The following PIP5K1A variants were observed in gnomAD, a reference collection of about 807,000 sequenced individuals.
PIP5K1A encodes the protein phosphatidylinositol 4-phosphate 5-kinase type-1 alpha.
A neutral mutation model predicts 72.9 loss-of-function variants in PIP5K1A; 46 were observed. The ratio of observed to expected loss-of-function variants is 0.63; its 90% CI spans 0.50 to 0.81. PIP5K1A has a LOEUF of 0.81. Among genes scored for constraint, PIP5K1A ranks in the 30% least tolerant of loss-of-function variants. The pLI is 0.00. For synonymous variants in PIP5K1A, 228 were observed against 255.1 expected (o/e 0.89, Z 1.01); for missense variants, 458 against 706.1 (o/e 0.65, Z 3.98).
At position 151,239,944 on chromosome 1, in the gene PIP5K1A, C is replaced by T. The variant is rs1473904887; in HGVS notation, c.1279-11C>T. The T allele has an allele frequency of 6.2e-7, 1 of 1,606,682 alleles. No homozygotes were observed. On this transcript the variant is annotated splice_polypyrimidine_tract_variant and intron_variant, in intron 11 of 15. Transcript: ENST00000368888. The stretch of plus-strand genomic sequence containing the variant: ...GCCTCCTAACTCTATAGCATTTCTT[C>T]TGCTCTGCAGGACACTGTCTCAGTG...
At chr1:151,200,965 G>A (rs972346756) in intron 1 of PIP5K1A, among the ~76,000 whole-genome samples, 43 of 152,192 alleles carry the variant, frequency 2.8e-4, no homozygotes, top group Non-Finnish European at 4.7e-4. Context: ...GAGTAGCTGG[G>A]ACTACAGGCG....
chr1:151,218,325 C>T (rs587623788), intron 1 of PIP5K1A, among the ~76,000 whole-genome samples: 1 of 152,170 alleles, frequency 6.6e-6, no homozygotes, highest in East Asian at 1.9e-4. Flanking sequence ...TTGTTAATTT[C>T]CTTGAGAGGA....
At chr1:151,226,212 G>A (rs1039933699) in intron 3 of PIP5K1A, among the ~76,000 whole-genome samples, 2 of 150,760 alleles carry the variant, frequency 1.3e-5, no homozygotes, top group East Asian at 4.0e-4. Context: ...TCAGCCTCCC[G>A]AGTAGCTGGG....
At position 151,198,851 on chromosome 1, in the gene PIP5K1A, G is replaced by T; in HGVS notation, c.-146G>T. On this transcript the variant is annotated 5_prime_UTR_variant, in exon 1 of 16. Coordinates refer to ENST00000368888, the MANE Select transcript of PIP5K1A (RefSeq NM_001135638.2). ...GAGCTGGTCCAGGAGCCGGCTCGAC[G>T]TGTCTGAGGGAGGCCCCGGAGGGGG... 2.7e-6 allele frequency: 2 copies of T among 750,276 alleles called. No individual in the cohort carries two copies. Among genetic ancestry groups the T allele is most frequent in the Non-Finnish European group, 4.6e-6 (2 of 438,040 alleles). The allele number at this position is 750,276 out of a possible 1,614,324, so 46.5% of individuals were successfully genotyped here. A position where few individuals can be genotyped will look rare whatever the true frequency, so the allele number is the denominator to read the frequency against.
chr1:151,211,341 G>T (rs1337922205), intron 1 of PIP5K1A, among the ~76,000 whole-genome samples: 1 of 151,992 alleles, frequency 6.6e-6, no homozygotes, highest in African/African-American at 2.4e-5. Flanking sequence ...ATAAAAATTA[G>T]CTGGGCATGG....
chr1:151,219,594 T>C (rs1460670433), intron 1 of PIP5K1A, among the ~76,000 whole-genome samples: 1 of 151,888 alleles, frequency 6.6e-6, no homozygotes, highest in East Asian at 1.9e-4. Context: ...CTCGGGAGGC[T>C]GAGGCAGGAG....
upstream of PIP5K1A, among the ~76,000 whole-genome samples, chr1:151,196,615 C>A (rs1198492092): frequency 7.5e-6 from 1 of 132,830 alleles, no homozygotes; most frequent in Non-Finnish European, 1.5e-5. Context: ...AGTGCAAAGG[C>A]GCCATCTCGG....
intron 6 of PIP5K1A, 57 bp from the exon 7 acceptor site, chr1:151,232,494 G>T: frequency 1.3e-6 from 2 of 1,560,332 alleles, no homozygotes; most frequent in Non-Finnish European, 1.8e-6. Flanking sequence ...GTTGATTTTT[G>T]TGTTGGGCAA....
At chr1:151,217,839 T>A (rs1195065632) in intron 1 of PIP5K1A, among the ~76,000 whole-genome samples, 1 of 151,990 alleles carries the variant, frequency 6.6e-6, no homozygotes, top group Non-Finnish European at 1.5e-5. Context: ...GAGTGCAGTG[T>A]TACGATCTTA....
chr1:151,239,740 C>T (rs1691416500), intron 11 of PIP5K1A, among the ~76,000 whole-genome samples: 1 of 152,180 alleles, frequency 6.6e-6, no homozygotes, highest in East Asian at 1.9e-4. Flanking sequence ...GTTGAACAGG[C>T]TGGTGTCGAA....
At chr1:151,239,927 A>C in intron 11 of PIP5K1A, 28 bp from the exon 12 acceptor site, 1 of 1,335,702 alleles carries the variant, frequency 7.5e-7, no homozygotes, top group Non-Finnish European at 1.1e-6. Context: ...GGGCCTCCTA[A>C]CTCTATAGCA....
At chr1:151,214,890 G>A (rs1376421235) in intron 1 of PIP5K1A, among the ~76,000 whole-genome samples, 1 of 151,130 alleles carries the variant, frequency 6.6e-6, no homozygotes, top group Non-Finnish European at 1.5e-5. Context: ...CTAAATTTTT[G>A]TATTTTTAGT....
rs587625330 is a variant in PIP5K1A at position 151,227,361 on chromosome 1, T to C, written c.198T>C (p.His66=). The C allele has an allele frequency of 1.9e-6, 3 of 1,613,240 alleles. No individual in the cohort carries two copies. The highest frequency in any genetic ancestry group is 1.1e-5 in the South Asian group (1 of 91,058). ...ASGMPIKKIG[H]RSVDSSGETT... is the part of the protein sequence containing the mutation. Reference sequence around the variant, plus strand: ...GCATGCCCATCAAGAAAATAGGCCATAGAAGTGTTGATTCCTCAGGAGAGA... The same window carrying C: ...GCATGCCCATCAAGAAAATAGGCCACAGAAGTGTTGATTCCTCAGGAGAGA... Residue 66 remains histidine, a synonymous_variant, in exon 4 of 16, where the codon CAT becomes CAC. Coordinates refer to ENST00000368888, the MANE Select transcript of PIP5K1A (RefSeq NM_001135638.2).
intron 14 of PIP5K1A, among the ~76,000 whole-genome samples, chr1:151,243,309 C>A (rs1255806081): frequency 2.0e-5 from 3 of 152,188 alleles, no homozygotes; most frequent in Non-Finnish European, 4.4e-5. Context: ...TAAATTAGGT[C>A]CGGTTGGATG....
intron 14 of PIP5K1A, among the ~76,000 whole-genome samples, chr1:151,245,591 A>G (rs587625467): frequency 3.9e-5 from 6 of 152,290 alleles, no homozygotes; most frequent in Non-Finnish European, 7.3e-5. Context: ...GCTAGAATGT[A>G]GTGGCACTAT....
chr1:151,195,884 ATTTTT>A (rs1157195462), upstream of PIP5K1A, among the ~76,000 whole-genome samples: 12 of 62,306 alleles, frequency 1.9e-4, no homozygotes, highest in East Asian at 5.8e-4. Flanking sequence ...ACACCAGCCG[ATTTTT>A]TTTTTTTTTT....
chr1:151,225,307 CA>C (rs1021095367), intron 3 of PIP5K1A, among the ~76,000 whole-genome samples: 1 of 150,642 alleles, frequency 6.6e-6, no homozygotes, highest in Non-Finnish European at 1.5e-5. Context: ...CACCCTGTCT[CA>C]AAAAAAAACT....
At chr1:151,214,214 A>ATCCTT (rs1313613262) in intron 1 of PIP5K1A, among the ~76,000 whole-genome samples, 1 of 152,200 alleles carries the variant, frequency 6.6e-6, no homozygotes, top group East Asian at 1.9e-4. Context: ...ATGCAATTAT[A>ATCCTT]GTTATATATA....
chr1:151,218,022 GCCCACCTTGGCCT>G (rs1455053538), intron 1 of PIP5K1A, among the ~76,000 whole-genome samples: 1 of 152,100 alleles, frequency 6.6e-6, no homozygotes, highest in East Asian at 1.9e-4. Flanking sequence ...GTGATCCACT[GCCCACCTTGGCCT>G]CCCCCAAGTG....
Sources: allele counts gnomAD v4.1 joint callset (sites outside exome capture counted in the v4.1 genomes callset), GRCh38; gene constraint gnomAD v4.1.1; transcripts MANE v1.5; gene names NCBI Gene and HGNC (gene_info 2026-07-23, HGNC 2026-07-21).